Variants in TFB1M observed in about 807,000 individuals in gnomAD.
TFB1M encodes dimethyladenosine transferase 1, mitochondrial.
A neutral mutation model predicts 31.1 loss-of-function variants in TFB1M; 27 were observed. The observed-to-expected ratio is 0.87, with a 90% confidence interval of 0.64 to 1.20. TFB1M has a LOEUF of 1.20. TFB1M is among the 50% of genes most tolerant of loss of function. The pLI is 0.00. For synonymous variants in TFB1M, 166 were observed against 151.8 expected (o/e 1.09, Z -0.69); for missense variants, 394 against 418.7 (o/e 0.94, Z 0.51).
intron 1 of TFB1M, among the ~76,000 whole-genome samples, chr6:155,313,823 C>A (rs1342923652): frequency 6.6e-6 from 1 of 152,176 alleles, no homozygotes; most frequent in Non-Finnish European, 1.5e-5. Context: ...TTAGACTGAA[C>A]AGGTAAACGT....
Position 155,276,069 on chromosome 6 carries a change from C to T in TFB1M, c.666+9089G>A, listed in dbSNP as rs767279681. The T allele has an allele frequency of 3.1e-6, 5 of 1,614,076 alleles. No homozygotes were observed. The highest frequency in any genetic ancestry group is 1.7e-5 in the Admixed American group (1 of 59,996). Reference sequence around the variant, plus strand: ...GGGGACAGAGAAACCAAGAGCCATGCTTCCTTTGCTGGAGGAGTCTGTTTC... The same window carrying T: ...GGGGACAGAGAAACCAAGAGCCATGTTTCCTTTGCTGGAGGAGTCTGTTTC... On this transcript the variant is annotated intron_variant, in intron 5 of 6. Coordinates refer to ENST00000367166, the MANE Select transcript of TFB1M (RefSeq NM_016020.4).
chr6:155,312,525 C>T (rs1778057688), intron 1 of TFB1M, among the ~76,000 whole-genome samples: 1 of 152,170 alleles, frequency 6.6e-6, no homozygotes, highest in Non-Finnish European at 1.5e-5. Context: ...TTAATACTCT[C>T]CTTCTTTAAA....
chr6:155,298,568 T>C lies in TFB1M; in HGVS notation c.303A>G (p.Ala101=), dbSNP rs1166692687. The change falls in exon 3 of 7, where the codon GCA becomes GCG. Residue 101 remains alanine (A), a synonymous_variant. Transcript: ENST00000367166. ...IPGLQMLSDA[A]PGKLRIVHGD... ...CATGAACAATTCTCAGTTTCCCAGG[T>C]GCTGCATCAGAAAGCATCTAGTTTA... 4.3e-6 allele frequency: 7 copies of C among 1,612,014 alleles called. No homozygotes were observed. The highest frequency in any genetic ancestry group is 5.9e-6 in the Non-Finnish European group (7 of 1,178,326).
chr6:155,275,615 G>C, intron 5 of TFB1M: 4 of 1,189,788 alleles, frequency 3.4e-6, no homozygotes, highest in Non-Finnish European at 3.6e-6. Context: ...TTTTTCCTTA[G>C]GCTTTGTTAT....
chr6:155,307,141 A>ACACATACT, intron 2 of TFB1M, among the ~76,000 whole-genome samples: 1 of 38,530 alleles, frequency 2.6e-5, no homozygotes, highest in African/African-American at 5.5e-5. Flanking sequence ...ACACATACAC[A>ACACATACT]CACACACACA....
At chr6:155,266,548 T>C (rs888919792) in intron 5 of TFB1M, among the ~76,000 whole-genome samples, 2 of 152,030 alleles carry the variant, frequency 1.3e-5, no homozygotes, top group African/African-American at 4.8e-5. Context: ...CGCTCACAGT[T>C]AAGAATGACC....
chr6:155,305,577 A>G (rs1427727455), intron 2 of TFB1M, among the ~76,000 whole-genome samples: 1 of 62,664 alleles, frequency 1.6e-5, no homozygotes, highest in Non-Finnish European at 2.6e-5. Flanking sequence ...ATTTATATAT[A>G]TATTAAATTA....
At chr6:155,308,891 C>A (rs189815968) in intron 2 of TFB1M, among the ~76,000 whole-genome samples, 4 of 152,020 alleles carry the variant, frequency 2.6e-5, no homozygotes, top group African/African-American at 4.8e-5. Context: ...TAATTTAGTA[C>A]CTCTAAAACA....
At chr6:155,244,625 A>G in the TFB1M span, 4 of 1,608,718 alleles carry the variant, frequency 2.5e-6, no homozygotes, top group African/African-American at 5.4e-5. Context: ...TTCATGGCTA[A>G]TCCCCTCATT....
rs10568542 is a variant in TFB1M at position 155,257,579 on chromosome 6, AAGAT to A, written c.*253_*256del. 0.72 allele frequency: 319,963 copies of A among 445,690 alleles called. 117,016 individuals are homozygous for A. Among genetic ancestry groups the A allele is most frequent in the East Asian group, 0.99 (23,070 of 23,376 alleles). The allele number at this position is 445,690 out of a possible 1,614,324, so 27.6% of individuals were successfully genotyped here. A position where few individuals can be genotyped will look rare whatever the true frequency, so the allele number is the denominator to read the frequency against. The stretch of plus-strand genomic sequence containing the variant: ...AAATGTGCAGATACTTCATTTTTGT[AAGAT>A]AGATTGTAATAGATGCTGTTTATAC... On this transcript the variant is annotated 3_prime_UTR_variant, in exon 7 of 7. Transcript: ENST00000367166.
intron 1 of TFB1M, chr6:155,314,081 C>G (rs923650333): frequency 1.4e-6 from 2 of 1,442,228 alleles, no homozygotes; most frequent in Non-Finnish European, 1.8e-6. Context: ...AGGCTACACC[C>G]CCCCGAACGC....
the TFB1M span, chr6:155,244,611 G>C: frequency 6.2e-7 from 1 of 1,600,038 alleles, no homozygotes; most frequent in Non-Finnish European, 8.5e-7. Flanking sequence ...GTGGTGTCCT[G>C]AACTTCATGG....
At chr6:155,261,711 G>C (rs1784402641) in intron 5 of TFB1M, among the ~76,000 whole-genome samples, 1 of 152,048 alleles carries the variant, frequency 6.6e-6, no homozygotes, top group Admixed American at 6.5e-5. Flanking sequence ...TGTCCCCGAA[G>C]GTTTCAGGTC....
At chr6:155,279,836 A>G (rs1390374170) in intron 5 of TFB1M, among the ~76,000 whole-genome samples, 1 of 152,212 alleles carries the variant, frequency 6.6e-6, no homozygotes, top group Admixed American at 6.5e-5. Context: ...AAGCATGCCT[A>G]GTACTGAATT....
At chr6:155,253,101 T>C (rs1783770906), downstream of TFB1M, 1 of 1,469,358 alleles carries the variant, frequency 6.8e-7, no homozygotes, top group East Asian at 2.3e-5. Flanking sequence ...TTTAGTAGAC[T>C]TAACTGTGGA....
chr6:155,265,503 C>A (rs1784587897), intron 5 of TFB1M, among the ~76,000 whole-genome samples: 6 of 150,646 alleles, frequency 4.0e-5, no homozygotes. Context: ...AAGGCTGGGA[C>A]AGAAGAAGAA....
chr6:155,259,865 G>A (rs889066183), intron 6 of TFB1M, among the ~76,000 whole-genome samples: 3 of 152,190 alleles, frequency 2.0e-5, no homozygotes, highest in African/African-American at 4.8e-5. Context: ...TGAGGACTTC[G>A]TGATATGATT....
intron 5 of TFB1M, among the ~76,000 whole-genome samples, chr6:155,281,398 G>T (rs933891334): frequency 6.6e-6 from 1 of 152,152 alleles, no homozygotes; most frequent in Admixed American, 6.5e-5. Flanking sequence ...ATAACTAAAT[G>T]ATTTTTCTAC....
downstream of TFB1M, among the ~76,000 whole-genome samples, chr6:155,251,443 C>T (rs1054787620): frequency 1.3e-5 from 2 of 152,046 alleles, no homozygotes; most frequent in Non-Finnish European, 2.9e-5. Flanking sequence ...CTCGCCACCA[C>T]GCCCGGCTGA....
Sources: allele counts gnomAD v4.1 joint callset (sites outside exome capture counted in the v4.1 genomes callset), GRCh38; gene constraint gnomAD v4.1.1; transcripts MANE v1.5; gene names NCBI Gene and HGNC (gene_info 2026-07-23, HGNC 2026-07-21).